ZNF200: variants seen among roughly 807,000 people sequenced by gnomAD.
ZNF200 encodes the protein zinc finger protein 200.
In ZNF200, 35 loss-of-function variants were observed where a neutral mutation model predicts 33.6. The ratio of observed to expected loss-of-function variants is 1.04; its 90% confidence interval spans 0.80 to 1.38. The LOEUF is 1.38. ZNF200 is among the 40% of genes most tolerant of loss of function. The pLI is 0.00. For missense variants in ZNF200, 592 were observed against 470.6 expected, an observed-to-expected ratio of 1.26 and a Z score of -2.39; for synonymous variants, 209 against 167.7, an observed-to-expected ratio of 1.25 and a Z score of -1.90.
At chr16:3,232,603 A>T in intron 3 of ZNF200, 56 bp from the exon 4 acceptor site, 1 of 1,598,666 alleles carries the variant, frequency 6.3e-7, no homozygotes, top group Non-Finnish European at 8.5e-7. Context: ...TGACAGCCCT[A>T]CTGGTAAGAA....
Position 3,232,937 on chromosome 16 carries a change from G to C in ZNF200, c.251-16C>G. On this transcript the variant is annotated splice_polypyrimidine_tract_variant and intron_variant, in intron 2 of 4. Coordinates refer to ENST00000414144, the MANE Select transcript of ZNF200 (RefSeq NM_198088.3). ...CGAGGATGCACTGGGGAAAGAGGAA[G>C]GTTTAGTTAGTGAAAAACTCAGTGA... 6.2e-7 allele frequency: 1 copy of C among 1,611,498 alleles called. No individual in the cohort carries two copies. The highest frequency in any genetic ancestry group is 8.5e-7 in the Non-Finnish European group (1 of 1,178,114).
At chr16:3,232,777 T>C in intron 3 of ZNF200, 56 bp downstream of exon 3, 4 of 1,573,516 alleles carry the variant, frequency 2.5e-6, no homozygotes, top group Non-Finnish European at 3.5e-6. Context: ...TACACACAGG[T>C]TGGCCAAGCA....
At chr16:3,224,935 A>G (rs1405399776) in intron 4 of ZNF200, 3 of 257,282 alleles carry the variant, frequency 1.2e-5, no homozygotes, top group Non-Finnish European at 2.3e-5. Context: ...CACTCAGGTA[A>G]GGACTAGGGA....
At chr16:3,231,937 G>A (rs1033439988) in intron 4 of ZNF200, among the ~76,000 whole-genome samples, 1 of 152,218 alleles carries the variant, frequency 6.6e-6, no homozygotes, top group Non-Finnish European at 1.5e-5. Flanking sequence ...CACATGAAAA[G>A]CATTTGGACT....
At chr16:3,233,922 A>G (rs1958718645) in intron 1 of ZNF200, 86 bp from the exon 2 acceptor site, 1 of 1,091,176 alleles carries the variant, frequency 9.2e-7, no homozygotes, top group East Asian at 2.8e-5. Context: ...GTGAGGCTAC[A>G]TGAGATCTAA....
At chr16:3,232,689 G>A (rs1958668720) in intron 3 of ZNF200, 142 bp from the exon 4 acceptor site, 1 of 1,434,694 alleles carries the variant, frequency 7.0e-7, no homozygotes, top group Non-Finnish European at 9.5e-7. Flanking sequence ...GCAAAGACAG[G>A]ACAGCCAGGC....
In ZNF200 at chr16:3,232,566, C is replaced by G. The variant is rs762622858; in HGVS notation, c.340-19G>C. 6 of 1,611,674 alleles carry G rather than the reference C, an allele frequency of 3.7e-6. No homozygotes were observed. The highest frequency in any genetic ancestry group is 4.2e-6 in the Non-Finnish European group (5 of 1,179,574). On this transcript the variant is annotated intron_variant, in intron 3 of 4. Coordinates refer to ENST00000414144, the MANE Select transcript of ZNF200 (RefSeq NM_198088.3). ...CCAGCTCCTGAAAGAGCAAGAGGCCCCTTTCATCTTAGTAACTGAGGTTCA... is the reference window on the plus strand; with the variant it reads ...CCAGCTCCTGAAAGAGCAAGAGGCCGCTTTCATCTTAGTAACTGAGGTTCA...
At position 3,230,662 on chromosome 16, in the gene ZNF200, C is replaced by T. The variant is rs971796571; in HGVS notation, c.466+1759G>A. On this transcript the variant is annotated intron_variant, in intron 4 of 4. Transcript: ENST00000414144. ...ATTCCTGCCACCACAATGTTCAATCCGTTATAGTTTTTCCTTTGCAAAAAT... is the reference window on the plus strand; with the variant it reads ...ATTCCTGCCACCACAATGTTCAATCTGTTATAGTTTTTCCTTTGCAAAAAT... Among the ~76,000 whole-genome samples, 8 of 152,278 alleles carry T rather than the reference C, an allele frequency of 5.3e-5. No individual in the cohort carries two copies. In the South Asian group the frequency reaches 1.0e-3, roughly 20 times the overall value.
rs1958354698 is a variant in ZNF200, at chr16:3,222,555, A to T, written c.*1337T>A. 6.6e-6 allele frequency: 1 copy of T among 152,152 alleles called. No homozygotes were observed. Among genetic ancestry groups the T allele is most frequent in the African/African-American group, 2.4e-5 (1 of 41,392 alleles). The allele number at this position is 152,152 out of a possible 1,614,324, so 9.4% of individuals were successfully genotyped here. A position where few individuals can be genotyped will look rare whatever the true frequency, so the allele number is the denominator to read the frequency against. Reference sequence around the variant, plus strand: ...GAAAATTAGAAAAATTTTCACAGGAATATAATACTCTAATAAATAGAAAGG... The same window carrying T: ...GAAAATTAGAAAAATTTTCACAGGATTATAATACTCTAATAAATAGAAAGG... On this transcript the variant is annotated 3_prime_UTR_variant, in exon 5 of 5. Coordinates refer to ENST00000414144, the MANE Select transcript of ZNF200 (RefSeq NM_198088.3).
Position 3,233,517 on chromosome 16 carries a change from A to T in ZNF200, c.239T>A (p.Leu80His). 1.3e-6 allele frequency: 2 copies of T among 1,552,932 alleles called. No homozygotes were observed. The highest frequency in any genetic ancestry group is 8.7e-7 in the Non-Finnish European group (1 of 1,151,082). ...LVIMKDVSSS[L>H]QNRVHPRPLV... Reference sequence around the variant, plus strand: ...CATGTGCTTCTCACCTCTGTTCTGAAGGCTTGAGCTCACATCTTTCATAAT... The same window carrying T: ...CATGTGCTTCTCACCTCTGTTCTGATGGCTTGAGCTCACATCTTTCATAAT... The change falls in exon 2 of 5, where the codon CTT becomes CAT. Residue 80 changes from leucine to histidine, a missense_variant. Transcript: ENST00000414144.
chr16:3,234,763 T>A (rs1210744921), intron 1 of ZNF200: 1 of 152,234 alleles, frequency 6.6e-6, no homozygotes, highest in Non-Finnish European at 1.5e-5. Context: ...CCGTCAAAGC[T>A]CTGCTGAGAG....
intron 4 of ZNF200, among the ~76,000 whole-genome samples, chr16:3,231,189 G>A (rs1252994247): frequency 1.3e-5 from 2 of 152,106 alleles, no homozygotes; most frequent in Non-Finnish European, 2.9e-5. Flanking sequence ...GATCTTGGAG[G>A]CAATATATCC....
chr16:3,226,901 G>GT (rs1254985065), intron 4 of ZNF200: 2 of 152,168 alleles, frequency 1.3e-5, no homozygotes, highest in African/African-American at 2.4e-5. Flanking sequence ...CCATCAATGT[G>GT]TTTTTATTTC....
chr16:3,228,682 A>T (rs1411095035), intron 4 of ZNF200, among the ~76,000 whole-genome samples: 6 of 151,234 alleles, frequency 4.0e-5, no homozygotes, highest in African/African-American at 9.7e-5. Context: ...TTTTTTTTTT[A>T]GTAGAGATGG....
intron 3 of ZNF200, 53 bp downstream of exon 3, chr16:3,232,780 G>C: frequency 6.3e-7 from 1 of 1,580,970 alleles, no homozygotes; most frequent in Non-Finnish European, 8.7e-7. Flanking sequence ...ACACAGGTTG[G>C]CCAAGCACGG....
At chr16:3,233,482 G>C (rs746475915) in intron 2 of ZNF200, 24 bp downstream of exon 2, 2 of 1,501,978 alleles carry the variant, frequency 1.3e-6, no homozygotes, top group Non-Finnish European at 8.9e-7. Context: ...TCCTCTTCTA[G>C]TGAAACAAGC....
At position 3,223,910 on chromosome 16, in the gene ZNF200, C is replaced by A. The variant is rs1958394371; in HGVS notation, c.1170G>T (p.Lys390Asn). ...TRHEKTHSACKTRKQK is the reference protein window; with the variant it reads ...TRHEKTHSACNTRKQK ...CCCAGTATTACTTCTGCTTTCGGGTCTTACAGGCTGAGTGGGTTTTCTCAT... is the reference window on the plus strand; with the variant it reads ...CCCAGTATTACTTCTGCTTTCGGGTATTACAGGCTGAGTGGGTTTTCTCAT... Residue 390 changes from lysine (K) to asparagine (N), a missense_variant, in exon 5 of 5, where the codon AAG (lysine) becomes AAT (asparagine). Physicochemically the swap from Lys to Asn is moderately conservative, Grantham distance 94 (BLOSUM62 0). Coordinates refer to ENST00000414144, the MANE Select transcript of ZNF200 (RefSeq NM_198088.3). The A allele has an allele frequency of 6.2e-7, 1 of 1,612,914 alleles. No homozygotes were observed. Among genetic ancestry groups the A allele is most frequent in the Admixed American group, 1.7e-5 (1 of 59,806 alleles).
Position 3,223,958 on chromosome 16 carries a change from A to C in ZNF200, c.1122T>G (p.Gly374=). Residue 374 remains glycine (G), a synonymous_variant, in exon 5 of 5, where the codon GGT becomes GGG. Coordinates refer to ENST00000414144, the MANE Select transcript of ZNF200 (RefSeq NM_198088.3). ...CATGCCGGGTACAGTTTGACAGCCG[A>C]CCAAATCTTCTCCCACATTTTTTGC... is the stretch of plus-strand genomic sequence containing the variant. ...YGCKKCGRRF[G]RLSNCTRHEK... 1 of 1,614,100 alleles carries C rather than the reference A, an allele frequency of 6.2e-7. No homozygotes were observed. Among genetic ancestry groups the C allele is most frequent in the Non-Finnish European group, 8.5e-7 (1 of 1,180,026 alleles).
Position 3,224,263 on chromosome 16 carries a change from T to TC in ZNF200, c.816dup (p.Thr273AspfsTer9). On this transcript the variant is annotated frameshift_variant, in exon 5 of 5. Transcript: ENST00000414144. LOFTEE classifies it high-confidence loss of function. ...TCATAGGGTTTTTCTCCAGTGTGGG[T>TC]CCTCTGGTGGGAAATGAGGTAAGAA... The TC allele has an allele frequency of 1.9e-6, 3 of 1,614,086 alleles. No individual in the cohort carries two copies. Among genetic ancestry groups the TC allele is most frequent in the Non-Finnish European group, 2.5e-6 (3 of 1,180,002 alleles).
Sources: gnomAD v4.1 joint callset for allele counts (sites outside exome capture counted in the v4.1 genomes callset) on GRCh38, gnomAD v4.1.1 for gene constraint, MANE v1.5 for transcripts, NCBI Gene and HGNC (gene_info 2026-07-23, HGNC 2026-07-21) for gene names.